MGAT4C: variants seen among roughly 807,000 people sequenced by gnomAD.
MGAT4C encodes alpha-1,3-mannosyl-glycoprotein 4-beta-N-acetylglucosaminyltransferase C.
A neutral mutation model predicts 40.1 loss-of-function variants in MGAT4C; 19 were observed. That is an observed-to-expected ratio of 0.47 (90% CI 0.33 to 0.70). MGAT4C has a LOEUF of 0.70. Ranked by LOEUF, MGAT4C falls within the 30% of genes least tolerant of loss-of-function variation. The pLI, the probability that MGAT4C is intolerant of heterozygous loss-of-function variation, is 0.02. For synonymous variants in MGAT4C, 181 were observed against 187.1 expected (o/e 0.97, Z 0.27); for missense variants, 491 against 563.2 (o/e 0.87, Z 1.30).
intron 2 of MGAT4C, among the ~76,000 whole-genome samples, chr12:86,046,365 C>G (rs966987104): frequency 6.6e-6 from 1 of 152,170 alleles, no homozygotes; most frequent in African/African-American, 2.4e-5. Context: ...TACTTCAACT[C>G]TCCCTTGTGA....
chr12:86,466,248 T>C (rs561425799), intron 2 of MGAT4C, among the ~76,000 whole-genome samples: 5 of 152,170 alleles, frequency 3.3e-5, no homozygotes, highest in Admixed American at 1.3e-4. Flanking sequence ...TGGATTTTTA[T>C]AGCAGTTTTA....
chr12:86,041,844 G>A (rs1202074111), intron 2 of MGAT4C, among the ~76,000 whole-genome samples: 2 of 152,086 alleles, frequency 1.3e-5, no homozygotes, highest in African/African-American at 4.8e-5. Flanking sequence ...CCATTTGGTT[G>A]AGTTCAGGTC....
intron 1 of MGAT4C, among the ~76,000 whole-genome samples, chr12:86,062,146 A>T (rs6539943): frequency 1 from 151,676 of 152,234 alleles, 75,559 homozygotes; most frequent in Middle Eastern, 1. Context: ...ATCTGGCAGG[A>T]GCCCCTCTGT....
At chr12:86,280,542 T>A (rs182315185) in intron 4 of MGAT4C, among the ~76,000 whole-genome samples, 1 of 152,172 alleles carries the variant, frequency 6.6e-6, no homozygotes, top group African/African-American at 2.4e-5. Flanking sequence ...AATGCATATC[T>A]TTTCAGAAAT....
chr12:86,051,726 A>G (rs1291189226), intron 1 of MGAT4C, among the ~76,000 whole-genome samples: 1 of 151,354 alleles, frequency 6.6e-6, no homozygotes, highest in East Asian at 1.9e-4. Context: ...CAATGTGAAT[A>G]ATAGAATTGT....
intron 2 of MGAT4C, among the ~76,000 whole-genome samples, chr12:86,453,672 A>C (rs1957463180): frequency 6.6e-6 from 1 of 152,118 alleles, no homozygotes; most frequent in African/African-American, 2.4e-5. Context: ...TCTTGTTGAC[A>C]GGAGGGACAA....
chr12:86,392,804 G>A (rs1217706184), intron 3 of MGAT4C, among the ~76,000 whole-genome samples: 5 of 152,118 alleles, frequency 3.3e-5, no homozygotes, highest in African/African-American at 4.8e-5. Flanking sequence ...GTTACCTGTT[G>A]ATAAAATTTC....
chr12:86,357,647 G>C (rs1396028399), intron 3 of MGAT4C, among the ~76,000 whole-genome samples: 1 of 152,158 alleles, frequency 6.6e-6, no homozygotes. Flanking sequence ...ACCTGATGGA[G>C]CTGAAAACCA....
chr12:86,829,410 A>C (rs1482786367), intron 1 of MGAT4C, among the ~76,000 whole-genome samples: 1 of 151,656 alleles, frequency 6.6e-6, no homozygotes, highest in Non-Finnish European at 1.5e-5. Context: ...TTATAACTGT[A>C]AAACATTTGG....
intron 2 of MGAT4C, among the ~76,000 whole-genome samples, chr12:86,614,656 T>C (rs1004811442): frequency 6.6e-6 from 1 of 151,710 alleles, no homozygotes; most frequent in Non-Finnish European, 1.5e-5. Flanking sequence ...AAAATATATA[T>C]ATATATGTTT....
chr12:86,806,976 G>A (rs142981682), intron 1 of MGAT4C, among the ~76,000 whole-genome samples: 2,878 of 151,560 alleles, frequency 0.019, 86 homozygotes, highest in African/African-American at 0.066. Flanking sequence ...TGCACGTTGT[G>A]CACAGGTACC....
chr12:86,032,370 A>G lies in MGAT4C; in HGVS notation c.-7+17304T>C, dbSNP rs911768546. Among the ~76,000 whole-genome samples the G allele has an allele frequency of 8.4e-5, 11 of 131,620 alleles. 1 individual carries two copies. The highest frequency in any genetic ancestry group is 2.8e-4 in the African/African-American group (11 of 39,888). The allele number at this position is 131,620 out of a possible 152,430, so 86.3% of individuals were successfully genotyped here. On this transcript the variant is annotated intron_variant, in intron 2 of 4. Coordinates refer to ENST00000611864, the MANE Select transcript of MGAT4C (RefSeq NM_001351288.2). ...TTCCACAGTGGCTGAACTAATTTAC[A>G]TTCCTACCAACAGTATACAAGCGTT...
chr12:86,467,279 C>T (rs534766573), intron 2 of MGAT4C, among the ~76,000 whole-genome samples: 83 of 152,208 alleles, frequency 5.5e-4, no homozygotes, highest in South Asian at 5.0e-3. Context: ...GTCAGAAAAG[C>T]ATTCTGGACC....
At chr12:86,708,727 T>A (rs1432561258) in intron 2 of MGAT4C, among the ~76,000 whole-genome samples, 1 of 152,172 alleles carries the variant, frequency 6.6e-6, no homozygotes. Context: ...AAGGAGATCA[T>A]TTTGGAGCCT....
chr12:86,098,110 T>C (rs936256687), intron 1 of MGAT4C, among the ~76,000 whole-genome samples: 1 of 151,680 alleles, frequency 6.6e-6, no homozygotes, highest in Non-Finnish European at 1.5e-5. Flanking sequence ...TGTACTCAAG[T>C]CATATTATAT....
At chr12:86,672,882 T>G (rs1334301617) in intron 2 of MGAT4C, among the ~76,000 whole-genome samples, 1 of 152,050 alleles carries the variant, frequency 6.6e-6, no homozygotes, top group African/African-American at 2.4e-5. Flanking sequence ...AACCTATATA[T>G]GTACCCTCTG....
intron 2 of MGAT4C, among the ~76,000 whole-genome samples, chr12:86,042,499 G>C (rs1462678661): frequency 1.3e-5 from 2 of 152,076 alleles, no homozygotes; most frequent in Non-Finnish European, 2.9e-5. Flanking sequence ...TGTACAACAG[G>C]TCTGATGCAA....
intron 1 of MGAT4C, among the ~76,000 whole-genome samples, chr12:86,833,926 C>T (rs1013732721): frequency 6.6e-5 from 10 of 151,726 alleles, no homozygotes; most frequent in African/African-American, 2.2e-4. Context: ...GATTTGCTTT[C>T]CCATTACCAA....
intron 1 of MGAT4C, among the ~76,000 whole-genome samples, chr12:86,070,512 AT>A (rs914779145): frequency 5.7e-4 from 87 of 152,110 alleles, no homozygotes; most frequent in African/African-American, 2.0e-3. Flanking sequence ...AGCAGCAAAT[AT>A]TTTTTTCTCA....
Sources: gnomAD v4.1 joint callset for allele counts (sites outside exome capture counted in the v4.1 genomes callset) on GRCh38, gnomAD v4.1.1 for gene constraint, MANE v1.5 for transcripts, NCBI Gene and HGNC (gene_info 2026-07-23, HGNC 2026-07-21) for gene names.